Variants in DENND1A observed in about 807,000 individuals in gnomAD.
DENND1A encodes the protein DENN domain containing 1A.
Under a neutral mutation model 113.7 loss-of-function variants are expected in DENND1A, and 51 were observed. The observed-to-expected ratio is 0.45, with a 90% CI of 0.36 to 0.57. DENND1A has a LOEUF of 0.57. Among genes scored for constraint, DENND1A ranks in the 20% least tolerant of loss-of-function variants. DENND1A has a pLI of 0.00. For missense variants in DENND1A, 1,258 were observed against 1,395.9 expected (o/e 0.90, Z 1.57); for synonymous variants, 565 against 570.8 (o/e 0.99, Z 0.14).
intron 5 of DENND1A, among the ~76,000 whole-genome samples, chr9:123,720,689 A>C (rs567582041): frequency 6.6e-6 from 1 of 152,302 alleles, no homozygotes; most frequent in East Asian, 1.9e-4. Flanking sequence ...ACTGTCTCTT[A>C]TGGGTTGGGC....
chr9:123,423,196 C>G (rs761573848), intron 19 of DENND1A, among the ~76,000 whole-genome samples: 1 of 152,170 alleles, frequency 6.6e-6, no homozygotes. Flanking sequence ...ACTGACTTCC[C>G]GAAAGCTCAG....
At chr9:123,689,436 C>A (rs1226938528) in intron 5 of DENND1A, among the ~76,000 whole-genome samples, 1 of 152,174 alleles carries the variant, frequency 6.6e-6, no homozygotes, top group Non-Finnish European at 1.5e-5. Flanking sequence ...AAAATGTACG[C>A]ATGAATCATT....
intron 19 of DENND1A, among the ~76,000 whole-genome samples, chr9:123,436,876 C>T (rs2046561333): frequency 6.6e-6 from 1 of 152,188 alleles, no homozygotes; most frequent in South Asian, 2.1e-4. Context: ...CCCTTCCGAG[C>T]AGCTGGGATT....
At chr9:123,728,013 G>A (rs866144778) in intron 5 of DENND1A, among the ~76,000 whole-genome samples, 1 of 152,022 alleles carries the variant, frequency 6.6e-6, no homozygotes, top group Admixed American at 6.6e-5. Flanking sequence ...GGCTGAGGCA[G>A]GAGAATGGCA....
chr9:123,788,689 T>G (rs1375336853), intron 3 of DENND1A, among the ~76,000 whole-genome samples: 1 of 152,124 alleles, frequency 6.6e-6, no homozygotes. Context: ...AATACATTAT[T>G]ATTGTGCTTC....
chr9:123,542,064 A>G (rs2056329784), intron 13 of DENND1A, among the ~76,000 whole-genome samples: 1 of 152,218 alleles, frequency 6.6e-6, no homozygotes, highest in Admixed American at 6.5e-5. Flanking sequence ...AAGAAATTAG[A>G]CATCTGTTAG....
chr9:123,551,077 C>A (rs2057016356), intron 13 of DENND1A, among the ~76,000 whole-genome samples: 1 of 152,210 alleles, frequency 6.6e-6, no homozygotes, highest in African/African-American at 2.4e-5. Context: ...GATGGGGCTG[C>A]CTGGCTGCTG....
intron 20 of DENND1A, 67 bp from the exon 21 acceptor site, chr9:123,403,557 G>T: frequency 6.9e-7 from 1 of 1,442,516 alleles, no homozygotes; most frequent in Non-Finnish European, 9.7e-7. Flanking sequence ...GGTACATTCT[G>T]AACATTTGGA....
intron 18 of DENND1A, among the ~76,000 whole-genome samples, chr9:123,447,567 G>C (rs1435492698): frequency 6.6e-6 from 1 of 152,160 alleles, no homozygotes; most frequent in Non-Finnish European, 1.5e-5. Context: ...AGGGTGAAGA[G>C]GGCAAGCTTG....
chr9:123,685,450 A>C (rs1488869557), intron 5 of DENND1A, among the ~76,000 whole-genome samples: 1 of 152,248 alleles, frequency 6.6e-6, no homozygotes, highest in Non-Finnish European at 1.5e-5. Context: ...AATGAGTAGA[A>C]ATATTAATTT....
chr9:123,457,496 C>T, intron 14 of DENND1A, 61 bp from the exon 15 acceptor site: 1 of 1,357,984 alleles, frequency 7.4e-7, no homozygotes, highest in Non-Finnish European at 1.1e-6. Flanking sequence ...AAAAACCATT[C>T]AGCTGGGCAC....
chr9:123,568,504 G>T (rs1476205397), intron 12 of DENND1A, among the ~76,000 whole-genome samples: 1 of 152,142 alleles, frequency 6.6e-6, no homozygotes, highest in Admixed American at 6.5e-5. Flanking sequence ...AAGAATCATG[G>T]GTTCACAATG....
chr9:123,436,359 T>C (rs956762763), intron 19 of DENND1A, among the ~76,000 whole-genome samples: 3 of 152,204 alleles, frequency 2.0e-5, no homozygotes, highest in African/African-American at 7.2e-5. Flanking sequence ...TGTCCACTTA[T>C]CTCGAGTGGA....
chr9:123,404,485 C>T (rs544262171), intron 20 of DENND1A, among the ~76,000 whole-genome samples: 10 of 152,370 alleles, frequency 6.6e-5, no homozygotes, highest in South Asian at 4.1e-4. Context: ...GCTTTCTCCA[C>T]GGATGGGATG....
chr9:123,470,495 C>T (rs950004643), intron 13 of DENND1A, among the ~76,000 whole-genome samples: 5 of 152,062 alleles, frequency 3.3e-5, no homozygotes, highest in Admixed American at 2.6e-4. Flanking sequence ...GAGGAGAACA[C>T]GGTTTGAGGA....
At chr9:123,916,789 T>C (rs191072426) in intron 1 of DENND1A, among the ~76,000 whole-genome samples, 1 of 152,304 alleles carries the variant, frequency 6.6e-6, no homozygotes, top group East Asian at 1.9e-4. Flanking sequence ...AATATGCCTG[T>C]TTTGTAGCTT....
chr9:123,765,400 T>C (rs10818869), intron 4 of DENND1A, among the ~76,000 whole-genome samples: 10,907 of 152,210 alleles, frequency 0.072, 548 homozygotes, highest in African/African-American at 0.14. Flanking sequence ...GAAAAGAACA[T>C]AGGGCAATGC....
At chr9:123,736,020 G>T (rs2068537372) in intron 5 of DENND1A, among the ~76,000 whole-genome samples, 1 of 151,984 alleles carries the variant, frequency 6.6e-6, no homozygotes, top group South Asian at 2.1e-4. Context: ...AAAGAAAAAA[G>T]AAAAATCACT....
chr9:123,914,969 T>C (rs552181599), intron 1 of DENND1A, among the ~76,000 whole-genome samples: 99 of 152,162 alleles, frequency 6.5e-4, no homozygotes, highest in African/African-American at 2.3e-3. Context: ...GCCATGCTGA[T>C]TATAACATCA....
Sources: gnomAD v4.1 joint callset for allele counts (sites outside exome capture counted in the v4.1 genomes callset) on GRCh38, gnomAD v4.1.1 for gene constraint, MANE v1.5 for transcripts, NCBI Gene and HGNC (gene_info 2026-07-23, HGNC 2026-07-21) for gene names.